Variants in C1orf21 observed in about 807,000 individuals in gnomAD.
C1orf21 encodes the protein uncharacterized protein C1orf21.
Under a neutral mutation model 18.7 loss-of-function variants are expected in C1orf21, and 3 were observed. The observed-to-expected ratio is 0.16, with a 90% confidence interval of 0.07 to 0.42. C1orf21 has a LOEUF of 0.42. Ranked by LOEUF, C1orf21 falls within the 10% of genes least tolerant of loss-of-function variation. The pLI is 0.99. For synonymous variants in C1orf21, 41 were observed against 46.4 expected (o/e 0.88, Z 0.47); for missense variants, 104 against 143.6 (o/e 0.72, Z 1.41).
chr1:184,388,308 A>AT (rs1161595593), intron 1 of C1orf21, among the ~76,000 whole-genome samples: 2 of 152,230 alleles, frequency 1.3e-5, no homozygotes, highest in Admixed American at 1.3e-4. Flanking sequence ...ATGGCCAAAG[A>AT]TAAAAATATG....
chr1:184,396,698 A>G lies in C1orf21; in HGVS notation c.-125+9330A>G, dbSNP rs934362362. On this transcript the variant is annotated intron_variant, in intron 1 of 5. Coordinates refer to ENST00000235307, the MANE Select transcript of C1orf21 (RefSeq NM_030806.4). The stretch of plus-strand genomic sequence containing the variant: ...TCTCGGAATCATTCACTACATTTCC[A>G]TGATGAGGTCAAATCCCTCTATTCT... Among the ~76,000 whole-genome samples the G allele has an allele frequency of 3.9e-5, 6 of 152,176 alleles. No individual in the cohort carries two copies. In the South Asian group the frequency reaches 1.2e-3, roughly 32 times the overall value.
chr1:184,448,604 A>G (rs898891505), intron 1 of C1orf21, among the ~76,000 whole-genome samples: 3 of 152,204 alleles, frequency 2.0e-5, no homozygotes, highest in Non-Finnish European at 4.4e-5. Flanking sequence ...ATGAGCTTTT[A>G]CCATGTGGTG....
intron 4 of C1orf21, 49 bp downstream of exon 4, chr1:184,590,864 T>C: frequency 6.9e-7 from 1 of 1,445,112 alleles, no homozygotes; most frequent in Non-Finnish European, 9.7e-7. Flanking sequence ...TCCATATCCA[T>C]GGATTCTGCA....
At chr1:184,463,934 CTTGAAGGTTG>C (rs1247281592) in intron 1 of C1orf21, among the ~76,000 whole-genome samples, 1 of 152,106 alleles carries the variant, frequency 6.6e-6, no homozygotes, top group Non-Finnish European at 1.5e-5. Flanking sequence ...TGTTCTGGAC[CTTGAAGGTTG>C]GGTAGAATTT....
At chr1:184,479,611 G>C (rs978916650) in intron 2 of C1orf21, among the ~76,000 whole-genome samples, 16 of 108,928 alleles carry the variant, frequency 1.5e-4, no homozygotes, top group Non-Finnish European at 2.8e-4. Flanking sequence ...CCTCCCATAG[G>C]TCTTTTTTTT....
At chr1:184,584,155 T>TA (rs11406933) in intron 3 of C1orf21, among the ~76,000 whole-genome samples, 4 of 147,358 alleles carry the variant, frequency 2.7e-5, no homozygotes, top group Non-Finnish European at 6.0e-5. Context: ...TTTTTTTTTT[T>TA]AAGAAAGCAG....
At chr1:184,566,096 C>G (rs1161988234) in intron 3 of C1orf21, among the ~76,000 whole-genome samples, 1 of 152,090 alleles carries the variant, frequency 6.6e-6, no homozygotes, top group Non-Finnish European at 1.5e-5. Context: ...TGAGGAAGGT[C>G]TCAAAAGAAG....
At position 184,460,614 on chromosome 1, in the gene C1orf21, GTCGTCGTCTTCTTCTTCT is replaced by G. The variant is rs1277780672; in HGVS notation, c.-124-16769_-124-16752del. On this transcript the variant is annotated intron_variant, in intron 1 of 5. Transcript: ENST00000235307. ...CTGGAGTTGGGCTGTTAGTATTGTCGTCGTCGTCTTCTTCTTCTTCTTCTTCTTCTTCTTCTTCTTCTT... is the reference window on the plus strand; with the variant it reads ...CTGGAGTTGGGCTGTTAGTATTGTCGTCTTCTTCTTCTTCTTCTTCTTCTT... Among the ~76,000 whole-genome samples, 949 of 127,312 alleles carry G rather than the reference GTCGTCGTCTTCTTCTTCT, an allele frequency of 7.5e-3. 13 individuals are homozygous for G. The highest frequency in any genetic ancestry group is 0.019 in the African/African-American group (507 of 27,046). 83.5% of individuals were successfully genotyped at this position (127,312 alleles called of 152,430 possible).
intron 1 of C1orf21, among the ~76,000 whole-genome samples, chr1:184,398,671 C>T (rs1055581515): frequency 1.3e-5 from 2 of 152,148 alleles, no homozygotes; most frequent in Non-Finnish European, 2.9e-5. Flanking sequence ...TAGGATATAG[C>T]CTATTGCTCC....
At chr1:184,603,361 C>T (rs568842883) in intron 5 of C1orf21, among the ~76,000 whole-genome samples, 36 of 152,330 alleles carry the variant, frequency 2.4e-4, no homozygotes, top group Admixed American at 3.3e-4. Context: ...TGAGGGAGAG[C>T]CATGAGCATG....
At chr1:184,547,660 TC>T (rs1381951243) in intron 3 of C1orf21, among the ~76,000 whole-genome samples, 1 of 152,196 alleles carries the variant, frequency 6.6e-6, no homozygotes, top group Non-Finnish European at 1.5e-5. Context: ...AAATGTGTTT[TC>T]TCTTTTATTT....
At chr1:184,532,809 A>C (rs1410808070) in intron 3 of C1orf21, among the ~76,000 whole-genome samples, 1 of 152,144 alleles carries the variant, frequency 6.6e-6, no homozygotes, top group Non-Finnish European at 1.5e-5. Context: ...ATTGTAGAAA[A>C]ATTTTGAAAC....
intron 2 of C1orf21, among the ~76,000 whole-genome samples, chr1:184,496,066 G>C (rs749929218): frequency 1.3e-5 from 2 of 152,108 alleles, no homozygotes; most frequent in African/African-American, 4.8e-5. Context: ...GTGAATCCTG[G>C]AAGATGAGAT....
rs1249357934 is a variant in C1orf21, at chr1:184,410,630, T to TA, written c.-125+23263dup. Among the ~76,000 whole-genome samples, 21 of 2,830 alleles carry TA rather than the reference T, an allele frequency of 7.4e-3. 6 individuals carry two copies. In the African/African-American group the frequency reaches 0.12, roughly 17 times the overall value. 1.9% of individuals were successfully genotyped at this position (2,830 alleles called of 152,430 possible). On this transcript the variant is annotated intron_variant, in intron 1 of 5. Coordinates refer to ENST00000235307, the MANE Select transcript of C1orf21 (RefSeq NM_030806.4). ...TTGCCATATATATTATATATATATATATATATATATATATATATATATATA... is the reference window on the plus strand; with the variant it reads ...TTGCCATATATATTATATATATATATAATATATATATATATATATATATATA...
intron 1 of C1orf21, among the ~76,000 whole-genome samples, chr1:184,473,940 A>G (rs552919886): frequency 1.1e-3 from 169 of 152,342 alleles, no homozygotes; most frequent in African/African-American, 3.9e-3. Context: ...CCAAACACAT[A>G]TCTGTCACTT....
chr1:184,390,900 T>C (rs1655962080), intron 1 of C1orf21, among the ~76,000 whole-genome samples: 2 of 152,174 alleles, frequency 1.3e-5, no homozygotes, highest in Non-Finnish European at 2.9e-5. Context: ...CAGTATAAAG[T>C]ACTGCTTAGA....
chr1:184,552,617 A>G lies in C1orf21; in HGVS notation c.190-38122A>G, dbSNP rs7526783. Among the ~76,000 whole-genome samples, 1,025 of 152,208 alleles carry G rather than the reference A, an allele frequency of 6.7e-3. 10 individuals carry two copies. The highest frequency in any genetic ancestry group is 0.023 in the African/African-American group (944 of 41,574). On this transcript the variant is annotated intron_variant, in intron 3 of 5. Transcript: ENST00000235307. ...TACTACAGCTTTATTTGTCATGGTG[A>G]AAAAAAGGGAATAACCAAATTTCCC...
intron 2 of C1orf21, among the ~76,000 whole-genome samples, chr1:184,485,373 G>A (rs773140069): frequency 2.6e-5 from 4 of 152,088 alleles, no homozygotes; most frequent in Admixed American, 1.3e-4. Context: ...AATATATGAA[G>A]ATGAATTTCA....
intron 1 of C1orf21, among the ~76,000 whole-genome samples, chr1:184,438,158 G>A (rs1656887124): frequency 6.6e-6 from 1 of 152,120 alleles, no homozygotes; most frequent in Admixed American, 6.5e-5. Flanking sequence ...AAAAAAAAGA[G>A]GAGGCTAAAG....
Sources: allele counts gnomAD v4.1 joint callset (sites outside exome capture counted in the v4.1 genomes callset), GRCh38; gene constraint gnomAD v4.1.1; transcripts MANE v1.5; gene names NCBI Gene and HGNC (gene_info 2026-07-23, HGNC 2026-07-21).